Variants in UBE2E3 observed in about 807,000 individuals in gnomAD.
UBE2E3 encodes ubiquitin conjugating enzyme E2 E3.
A neutral mutation model predicts 23.6 loss-of-function variants in UBE2E3; 5 were observed. The ratio of observed to expected loss-of-function variants is 0.21; its 90% CI spans 0.11 to 0.44. UBE2E3 has a LOEUF of 0.44. Among genes scored for constraint, UBE2E3 ranks in the 20% least tolerant of loss-of-function variants. The probability of loss-of-function intolerance (pLI) is 0.99; values close to 1 mark genes in which losing one functional copy is unlikely to be tolerated. For missense variants in UBE2E3, 81 were observed against 249.8 expected, an observed-to-expected ratio of 0.32 and a Z score of 4.55; for synonymous variants, 78 against 87.5, an observed-to-expected ratio of 0.89 and a Z score of 0.60.
chr2:181,024,048 T>C (rs866933554), intron 3 of UBE2E3, among the ~76,000 whole-genome samples: 1 of 152,136 alleles, frequency 6.6e-6, no homozygotes, highest in African/African-American at 2.4e-5. Flanking sequence ...GTTACTAATA[T>C]GGTTAGTCAT....
chr2:181,041,963 C>T (rs1445653281), intron 3 of UBE2E3, among the ~76,000 whole-genome samples: 1 of 152,148 alleles, frequency 6.6e-6, no homozygotes, highest in Non-Finnish European at 1.5e-5. Context: ...TATACCTACC[C>T]TAATTTAGAC....
At chr2:181,009,863 T>C (rs1342010600) in intron 3 of UBE2E3, among the ~76,000 whole-genome samples, 1 of 152,192 alleles carries the variant, frequency 6.6e-6, no homozygotes, top group Non-Finnish European at 1.5e-5. Flanking sequence ...CTATATACTT[T>C]ATAAATGCTT....
At chr2:181,043,833 G>A (rs1380927685) in intron 3 of UBE2E3, among the ~76,000 whole-genome samples, 2 of 152,024 alleles carry the variant, frequency 1.3e-5, no homozygotes, top group Non-Finnish European at 2.9e-5. Context: ...ATTTCTCCAT[G>A]TCATTAAACA....
chr2:181,025,067 T>C (rs1685841554), intron 3 of UBE2E3, among the ~76,000 whole-genome samples: 2 of 152,018 alleles, frequency 1.3e-5, no homozygotes, highest in African/African-American at 4.8e-5. Flanking sequence ...GTTAGCCACA[T>C]GGAGATACGT....
At chr2:181,025,630 C>A (rs918911461) in intron 3 of UBE2E3, among the ~76,000 whole-genome samples, 3 of 151,804 alleles carry the variant, frequency 2.0e-5, no homozygotes, top group Non-Finnish European at 4.4e-5. Flanking sequence ...GGACTTGTCT[C>A]AGAAATGAGG....
chr2:180,981,981 A>C, intron 1 of UBE2E3, 37 bp from the exon 2 acceptor site: 1 of 1,441,598 alleles, frequency 6.9e-7, no homozygotes, highest in Non-Finnish European at 9.4e-7. Context: ...CCTAGATTTA[A>C]CATTTTCTCC....
chr2:181,048,632 G>A (rs973559125), intron 3 of UBE2E3, among the ~76,000 whole-genome samples: 1 of 147,780 alleles, frequency 6.8e-6, no homozygotes, highest in African/African-American at 2.5e-5. Flanking sequence ...ATTTTTCTAC[G>A]TTATTTCCCC....
chr2:181,027,844 A>G (rs1323547668), intron 3 of UBE2E3, among the ~76,000 whole-genome samples: 2 of 152,058 alleles, frequency 1.3e-5, no homozygotes, highest in East Asian at 1.9e-4. Context: ...TTCTTTTACT[A>G]TGTAAGTATA....
intron 5 of UBE2E3, among the ~76,000 whole-genome samples, chr2:181,061,918 G>GGAATACC (rs1687166505): frequency 6.6e-6 from 1 of 151,364 alleles, no homozygotes; most frequent in South Asian, 2.1e-4. Context: ...CTTTATTAGA[G>GGAATACC]TATTGGAAAC....
intron 3 of UBE2E3, among the ~76,000 whole-genome samples, chr2:181,008,456 C>G (rs1574177078): frequency 6.6e-6 from 1 of 152,326 alleles, no homozygotes; most frequent in East Asian, 1.9e-4. Context: ...CCACACTGCA[C>G]TAGTCTTGTA....
chr2:181,058,970 A>C (rs1319743161), intron 4 of UBE2E3, among the ~76,000 whole-genome samples: 1 of 151,764 alleles, frequency 6.6e-6, no homozygotes, highest in Non-Finnish European at 1.5e-5. Context: ...AAAGACTCTT[A>C]AGTTTTCCTG....
chr2:181,054,411 G>A (rs1433857966), intron 3 of UBE2E3, among the ~76,000 whole-genome samples: 1 of 151,770 alleles, frequency 6.6e-6, no homozygotes, highest in African/African-American at 2.4e-5. Flanking sequence ...TGTTGTTGGT[G>A]TTTTGGATTT....
At chr2:180,983,915 C>A in intron 2 of UBE2E3, 128 bp from the exon 3 acceptor site, 1 of 615,456 alleles carries the variant, frequency 1.6e-6, no homozygotes. Context: ...AGGAAGCAGC[C>A]ATGTTAGCAT....
At chr2:181,046,333 C>G (rs1267507862) in intron 3 of UBE2E3, among the ~76,000 whole-genome samples, 2 of 152,078 alleles carry the variant, frequency 1.3e-5, no homozygotes, top group Non-Finnish European at 2.9e-5. Flanking sequence ...CAAATACTTG[C>G]TAGCAGAAGA....
chr2:180,989,753 A>G, intron 3 of UBE2E3: 1 of 1,031,198 alleles, frequency 9.7e-7, no homozygotes, highest in Non-Finnish European at 1.3e-6. Flanking sequence ...TGCTTTTAAA[A>G]AAAGTTATAT....
At chr2:180,990,950 A>G (rs1684635940) in intron 3 of UBE2E3, among the ~76,000 whole-genome samples, 1 of 152,194 alleles carries the variant, frequency 6.6e-6, no homozygotes, top group Non-Finnish European at 1.5e-5. Flanking sequence ...TTCATGTTTT[A>G]GAAAGGTAGT....
In UBE2E3 at chr2:180,990,132, A is replaced by C. The variant is rs1684611437; in HGVS notation, c.245+6039A>C. 7 of 834,674 alleles carry C rather than the reference A, an allele frequency of 8.4e-6. No homozygotes were observed. The South Asian group carries it at 8.9e-5, about 11-fold the overall frequency. 51.7% of individuals were successfully genotyped at this position (834,674 alleles called of 1,614,324 possible). ...TTAACCTTTCTTTTGCCTTTTGATC[A>C]GTGGTTCTCAACTGAGGCAATTTTT... On this transcript the variant is annotated intron_variant, in intron 3 of 5. Coordinates refer to ENST00000410062, the MANE Select transcript of UBE2E3 (RefSeq NM_006357.4).
intron 5 of UBE2E3, among the ~76,000 whole-genome samples, chr2:181,062,433 C>A (rs1206873108): frequency 6.6e-6 from 1 of 151,454 alleles, no homozygotes; most frequent in Non-Finnish European, 1.5e-5. Context: ...TTAAAATTAA[C>A]CATTTTTGAA....
At chr2:181,051,583 G>T (rs1686846409) in intron 3 of UBE2E3, among the ~76,000 whole-genome samples, 1 of 151,768 alleles carries the variant, frequency 6.6e-6, no homozygotes, top group South Asian at 2.1e-4. Flanking sequence ...ATACTGAGAT[G>T]CTAACTTGAT....
Sources: allele counts gnomAD v4.1 joint callset (sites outside exome capture counted in the v4.1 genomes callset), GRCh38; gene constraint gnomAD v4.1.1; transcripts MANE v1.5; gene names NCBI Gene and HGNC (gene_info 2026-07-23, HGNC 2026-07-21).